Variants in GLO1 observed in about 807,000 individuals in gnomAD.
The protein encoded by GLO1 is glyoxalase I.
GLO1 carries 28 observed loss-of-function variants against 26.0 expected under a neutral mutation model. That is an observed-to-expected ratio of 1.08 (90% confidence interval 0.80 to 1.48). The LOEUF (loss-of-function observed/expected upper bound fraction) is 1.48. Among genes scored for constraint, GLO1 ranks in the 40% most tolerant of loss-of-function variants. GLO1 has a pLI of 0.00. For synonymous variants in GLO1, 78 were observed against 77.6 expected (o/e 1.00, Z -0.03); for missense variants, 225 against 224.8 (o/e 1.00, Z -0.01).
At chr6:38,679,790 T>C (rs1016982456) in intron 5 of GLO1, among the ~76,000 whole-genome samples, 15 of 118,484 alleles carry the variant, frequency 1.3e-4, no homozygotes, top group Middle Eastern at 4.0e-3. Context: ...CAAGACTCTG[T>C]CTCAAAAAAA....
intron 1 of GLO1, among the ~76,000 whole-genome samples, chr6:38,697,103 CAG>C (rs1015744117): frequency 3.3e-5 from 5 of 152,146 alleles, no homozygotes; most frequent in African/African-American, 1.2e-4. Flanking sequence ...TTAGTAGACA[CAG>C]GGTTTCACCA....
intron 5 of GLO1, among the ~76,000 whole-genome samples, chr6:38,681,126 C>T (rs958156315): frequency 2.6e-5 from 4 of 151,986 alleles, no homozygotes; most frequent in Non-Finnish European, 2.9e-5. Context: ...TGCAGTGGTG[C>T]GATCTTGGCT....
chr6:38,684,684 A>C (rs939002163), intron 2 of GLO1, among the ~76,000 whole-genome samples, 170 bp from the exon 3 acceptor site: 4 of 152,238 alleles, frequency 2.6e-5, no homozygotes, highest in Admixed American at 2.6e-4. Context: ...TATCATGAAA[A>C]ATGCATCTGT....
Position 38,677,385 on chromosome 6 carries a change from T to G in GLO1, c.467-2A>C. 2.3e-5 allele frequency: 31 copies of G among 1,356,952 alleles called. No individual in the cohort carries two copies. Among genetic ancestry groups the G allele is most frequent in the Non-Finnish European group, 3.0e-5 (29 of 952,458 alleles). 84.1% of individuals were successfully genotyped at this position (1,356,952 alleles called of 1,614,324 possible). Reference sequence around the variant, plus strand: ...TAAATGCCAGGCCTTTCATTTTACCTGTAAAATGAAAATTTTCATTATTGA... The same window carrying G: ...TAAATGCCAGGCCTTTCATTTTACCGGTAAAATGAAAATTTTCATTATTGA... On this transcript the variant is annotated splice_acceptor_variant, in intron 5 of 5. Coordinates refer to ENST00000373365, the MANE Select transcript of GLO1 (RefSeq NM_006708.3). LOFTEE classifies it high-confidence loss of function.
chr6:38,696,692 G>T (rs1761615249), intron 1 of GLO1, among the ~76,000 whole-genome samples: 1 of 151,900 alleles, frequency 6.6e-6, no homozygotes, highest in African/African-American at 2.4e-5. Flanking sequence ...AATTTTGAGG[G>T]GACACAAACA....
intron 5 of GLO1, among the ~76,000 whole-genome samples, chr6:38,680,521 CA>C (rs1340696500): frequency 6.6e-6 from 1 of 152,008 alleles, no homozygotes; most frequent in Non-Finnish European, 1.5e-5. Context: ...AACTCCGTCT[CA>C]AAAAACAAAA....
At chr6:38,693,685 C>CTATATATATATATATATA (rs1170645548) in intron 1 of GLO1, among the ~76,000 whole-genome samples, 4 of 86,442 alleles carry the variant, frequency 4.6e-5, no homozygotes, top group South Asian at 3.6e-4. Flanking sequence ...CTCTCTCTCT[C>CTATATATATATATATATA]TATATATATA....
chr6:38,700,132 T>C (rs142088354), intron 1 of GLO1, among the ~76,000 whole-genome samples: 1 of 152,314 alleles, frequency 6.6e-6, no homozygotes, highest in Non-Finnish European at 1.5e-5. Flanking sequence ...ATTCCTCTCT[T>C]TGTACTCTTT....
In GLO1 at chr6:38,681,993, C is replaced by T. The variant is rs374377913; in HGVS notation, c.466+19G>A. The stretch of plus-strand genomic sequence containing the variant: ...TATCAACTAAAGACAGGCCTGAACA[C>T]AGTAAGTAGTAGACTCACCATCATC... On this transcript the variant is annotated intron_variant, in intron 5 of 5. Transcript: ENST00000373365. 5 of 1,238,018 alleles carry T rather than the reference C, an allele frequency of 4.0e-6. No homozygotes were observed. Among genetic ancestry groups the T allele is most frequent in the Non-Finnish European group, 6.0e-6 (5 of 836,326 alleles). 76.7% of individuals were successfully genotyped at this position (1,238,018 alleles called of 1,614,324 possible).
At chr6:38,691,125 T>C (rs1373166094) in intron 1 of GLO1, among the ~76,000 whole-genome samples, 1 of 152,208 alleles carries the variant, frequency 6.6e-6, no homozygotes, top group Non-Finnish European at 1.5e-5. Flanking sequence ...GCTTTAAATT[T>C]AGAACAATAA....
intron 5 of GLO1, among the ~76,000 whole-genome samples, chr6:38,678,931 T>A (rs374940375): frequency 6.6e-6 from 1 of 152,192 alleles, no homozygotes; most frequent in Admixed American, 6.5e-5. Context: ...TCATGTGGGT[T>A]GTTAAGGACA....
intron 1 of GLO1, among the ~76,000 whole-genome samples, chr6:38,693,083 AG>A (rs1052044900): frequency 3.9e-5 from 6 of 152,048 alleles, no homozygotes; most frequent in Admixed American, 3.9e-4. Flanking sequence ...GTTTTCTGGA[AG>A]GGGTTGTGTA....
chr6:38,694,404 C>T (rs528883038), intron 1 of GLO1, among the ~76,000 whole-genome samples: 139 of 152,224 alleles, frequency 9.1e-4, no homozygotes, highest in African/African-American at 3.1e-3. Context: ...GTTGGCTGGG[C>T]TTGGTGGCTC....
intron 5 of GLO1, among the ~76,000 whole-genome samples, chr6:38,681,749 G>A (rs897849377): frequency 1.3e-4 from 20 of 152,150 alleles, no homozygotes; most frequent in African/African-American, 4.8e-5. Context: ...TGGTGGGGTC[G>A]GGCAGTGGGA....
chr6:38,703,097 A>C lies in GLO1; in HGVS notation c.-43T>G, dbSNP rs370207834. ...ACAGACGACGGGACCCAAGGAACGGAGGAGTCACCCACACTACGCCTCGGC... is the reference window on the plus strand; with the variant it reads ...ACAGACGACGGGACCCAAGGAACGGCGGAGTCACCCACACTACGCCTCGGC... On this transcript the variant is annotated 5_prime_UTR_variant, in exon 1 of 6. Transcript: ENST00000373365. The C allele has an allele frequency of 1.7e-5, 20 of 1,150,750 alleles. No individual in the cohort carries two copies. The African/African-American group carries it at 2.7e-4, about 15-fold the overall frequency. 71.3% of individuals were successfully genotyped at this position (1,150,750 alleles called of 1,614,324 possible). A position where few individuals can be genotyped will look rare whatever the true frequency, so the allele number is the denominator to read the frequency against.
chr6:38,694,592 G>A (rs1430890173), intron 1 of GLO1, among the ~76,000 whole-genome samples: 5 of 152,076 alleles, frequency 3.3e-5, no homozygotes, highest in Middle Eastern at 3.4e-3. Context: ...GGTAGGAGGA[G>A]CCCTTGAACC....
At chr6:38,679,874 G>A (rs896503113) in intron 5 of GLO1, among the ~76,000 whole-genome samples, 11 of 151,508 alleles carry the variant, frequency 7.3e-5, no homozygotes, top group South Asian at 2.1e-4. Context: ...CAAACTAAGC[G>A]AAAATTAGAG....
intron 1 of GLO1, among the ~76,000 whole-genome samples, chr6:38,700,263 C>T (rs752338983): frequency 2.6e-5 from 4 of 152,222 alleles, no homozygotes; most frequent in Non-Finnish European, 4.4e-5. Context: ...GAATGCCTTC[C>T]CATGTACTCT....
intron 5 of GLO1, among the ~76,000 whole-genome samples, chr6:38,681,207 C>T (rs111345107): frequency 0.21 from 32,137 of 151,858 alleles, 4,351 homozygotes; most frequent in Non-Finnish European, 0.32. Flanking sequence ...GGACTATAGG[C>T]GCCCACCACC....
Sources: gnomAD v4.1 joint callset for allele counts (sites outside exome capture counted in the v4.1 genomes callset) on GRCh38, gnomAD v4.1.1 for gene constraint, MANE v1.5 for transcripts, NCBI Gene and HGNC (gene_info 2026-07-23, HGNC 2026-07-21) for gene names.